The following STUM variants were observed in gnomAD, a reference collection of about 807,000 sequenced individuals.
STUM encodes the protein protein stum homolog.
In STUM, 8 loss-of-function variants were observed where a neutral mutation model predicts 15.3. The observed-to-expected ratio is 0.52, with a 90% confidence interval of 0.31 to 0.94. The LOEUF is 0.94. Ranked by LOEUF, STUM falls within the 40% of genes least tolerant of loss-of-function variation. STUM has a pLI of 0.05. For synonymous variants in STUM, 78 were observed against 88.7 expected (o/e 0.88, Z 0.68); for missense variants, 142 against 204.9 (o/e 0.69, Z 1.87).
Position 226,552,629 on chromosome 1 carries a change from A to G in STUM, c.202+3523A>G, listed in dbSNP as rs187189683. On this transcript the variant is annotated intron_variant, in intron 1 of 3. Coordinates refer to ENST00000366788, the MANE Select transcript of STUM (RefSeq NM_001003665.4). The surrounding 1 kb of genome is among the most constrained non-coding windows in gnomAD (Gnocchi z 4.7). ...ACCTCCATTGACCTTTAACCACTCCATTGGACTCAGGACATCAGATAGGGA... is the reference window on the plus strand; with the variant it reads ...ACCTCCATTGACCTTTAACCACTCCGTTGGACTCAGGACATCAGATAGGGA... 7.0e-4 allele frequency among the ~76,000 whole-genome samples: 106 copies of G among 152,288 alleles called. No individual in the cohort carries two copies. Among genetic ancestry groups the G allele is most frequent in the African/African-American group, 2.5e-3 (104 of 41,540 alleles).
At chr1:226,562,474 GAA>G (rs58206352) in intron 1 of STUM, among the ~76,000 whole-genome samples, 3 of 108,584 alleles carry the variant, frequency 2.8e-5, no homozygotes, top group Non-Finnish European at 3.9e-5. Context: ...GACTCCTTCT[GAA>G]AAAAAAAAAA....
At chr1:226,592,660 C>G (rs940568931) in intron 1 of STUM, among the ~76,000 whole-genome samples, 1 of 152,252 alleles carries the variant, frequency 6.6e-6, no homozygotes, top group Admixed American at 6.5e-5. Flanking sequence ...CTTCAACCAT[C>G]TTTCCACTTT....
chr1:226,574,486 G>A (rs1327623294), intron 1 of STUM, among the ~76,000 whole-genome samples: 1 of 152,206 alleles, frequency 6.6e-6, no homozygotes, highest in Non-Finnish European at 1.5e-5. Context: ...CGTTGGCCCG[G>A]CTTGAGTTAT....
At chr1:226,564,003 G>T (rs1373047383) in intron 1 of STUM, among the ~76,000 whole-genome samples, 1 of 152,210 alleles carries the variant, frequency 6.6e-6, no homozygotes, top group Admixed American at 6.5e-5. Context: ...GGCTCGGGTG[G>T]TCTTGCGTCC....
At chr1:226,558,216 A>G (rs781495546) in intron 1 of STUM, among the ~76,000 whole-genome samples, 5 of 152,120 alleles carry the variant, frequency 3.3e-5, no homozygotes, top group African/African-American at 4.8e-5. Flanking sequence ...ACATAATCCT[A>G]TATATAGAAA....
intron 1 of STUM, among the ~76,000 whole-genome samples, chr1:226,585,594 G>A (rs150343174): frequency 6.6e-6 from 1 of 152,280 alleles, no homozygotes; most frequent in Non-Finnish European, 1.5e-5. Context: ...TGATGCCAGA[G>A]CTCACCTTTG....
At chr1:226,553,598 AAAAAC>A (rs2102684625) in intron 1 of STUM, among the ~76,000 whole-genome samples, 1 of 152,360 alleles carries the variant, frequency 6.6e-6, no homozygotes, top group African/African-American at 2.4e-5. Flanking sequence ...AAACTTCTGG[AAAAAC>A]AAAACATTTC....
At chr1:226,595,844 C>G (rs929310226) in intron 1 of STUM, among the ~76,000 whole-genome samples, 3 of 152,338 alleles carry the variant, frequency 2.0e-5, no homozygotes, top group Non-Finnish European at 2.9e-5. Flanking sequence ...CCCCTGGAGC[C>G]TCCAGAAGGA....
intron 1 of STUM, among the ~76,000 whole-genome samples, chr1:226,576,938 A>G (rs1482650225): frequency 6.6e-6 from 1 of 152,188 alleles, no homozygotes; most frequent in African/African-American, 2.4e-5. Flanking sequence ...AGTAAATGCA[A>G]CCCTACTTTC....
intron 1 of STUM, among the ~76,000 whole-genome samples, chr1:226,561,876 T>C (rs956426732): frequency 1.3e-5 from 2 of 152,042 alleles, no homozygotes; most frequent in African/African-American, 4.8e-5. Context: ...TGAACGCAAT[T>C]AACATCATCT....
intron 1 of STUM, among the ~76,000 whole-genome samples, chr1:226,586,963 A>G (rs1447301518): frequency 3.3e-5 from 5 of 152,088 alleles, no homozygotes; most frequent in Admixed American, 3.3e-4. Context: ...ACCCTCTAGC[A>G]CTGAAGCCTA....
In STUM at chr1:226,608,416, C is replaced by T. The variant is rs1420909397; in HGVS notation, c.*6376C>T. On this transcript the variant is annotated 3_prime_UTR_variant, in exon 4 of 4. Transcript: ENST00000366788. This position sits in a 1 kb window ranked among gnomAD's most constrained non-coding sequence, Gnocchi z 4.0. ...GCCAGCCCTTTTCATTGGCTGAGTT[C>T]CCTGCTGTTGTGCGTGGTGCCATTT... 1.3e-5 allele frequency: 2 copies of T among 152,132 alleles called. No individual in the cohort carries two copies. The highest frequency in any genetic ancestry group is 2.4e-5 in the African/African-American group (1 of 41,432). The allele number at this position is 152,132 out of a possible 1,614,324, so 9.4% of individuals were successfully genotyped here. A position where few individuals can be genotyped will look rare whatever the true frequency, so the allele number is the denominator to read the frequency against.
In STUM at chr1:226,548,980, T is replaced by G. The variant is rs776944856; in HGVS notation, c.76T>G (p.Ser26Ala). 3 of 1,522,520 alleles carry G rather than the reference T, an allele frequency of 2.0e-6. No individual in the cohort carries two copies. The highest frequency in any genetic ancestry group is 2.6e-6 in the Non-Finnish European group (3 of 1,137,242). The allele number at this position is 1,522,520 out of a possible 1,614,324, so 94.3% of individuals were successfully genotyped here. Residue 26 changes from serine (S) to alanine (A), a missense_variant, in exon 1 of 4, where the codon TCC (serine) becomes GCC (alanine). Coordinates refer to ENST00000366788, the MANE Select transcript of STUM (RefSeq NM_001003665.4). ...GGCGGCGGCGGACCCCCGGGGGGCG[T>G]CCTCGTCCAGCGGGGTGGTGGTGCA... ...AVAAADPRGA[S>A]SSSGVVVQVR...
rs748281010 is a variant in STUM at position 226,605,937 on chromosome 1, T to C, written c.*3897T>C. On this transcript the variant is annotated 3_prime_UTR_variant, in exon 4 of 4. Transcript: ENST00000366788. This position sits in a 1 kb window ranked among gnomAD's most constrained non-coding sequence, Gnocchi z 4.0. ...TGCCAGCCAGGGGCTCCAGCCATGCTGGCACAGGCATCTCAGAGGTGTGAG... is the reference window on the plus strand; with the variant it reads ...TGCCAGCCAGGGGCTCCAGCCATGCCGGCACAGGCATCTCAGAGGTGTGAG... 3 of 152,266 alleles carry C rather than the reference T, an allele frequency of 2.0e-5. No homozygotes were observed. The highest frequency in any genetic ancestry group is 4.4e-5 in the Non-Finnish European group (3 of 68,076). The allele number at this position is 152,266 out of a possible 1,614,324, so 9.4% of individuals were successfully genotyped here. A position where few individuals can be genotyped will look rare whatever the true frequency, so the allele number is the denominator to read the frequency against.
intron 1 of STUM, among the ~76,000 whole-genome samples, chr1:226,553,213 G>T (rs1667396541): frequency 6.6e-6 from 1 of 152,198 alleles, no homozygotes. Flanking sequence ...TGAGAGAGTA[G>T]TTACTTTTCA....
At position 226,605,525 on chromosome 1, in the gene STUM, T is replaced by G. The variant is rs537857379; in HGVS notation, c.*3485T>G. 1 of 152,172 alleles carries G rather than the reference T, an allele frequency of 6.6e-6. No homozygotes were observed. The highest frequency in any genetic ancestry group is 1.5e-5 in the Non-Finnish European group (1 of 68,022). The allele number at this position is 152,172 out of a possible 1,614,324, so 9.4% of individuals were successfully genotyped here. Reference sequence around the variant, plus strand: ...TAATAGGGTGATTATGTCACATGTTTAGTGATACAATCCCACCTGTGTCTG... The same window carrying G: ...TAATAGGGTGATTATGTCACATGTTGAGTGATACAATCCCACCTGTGTCTG... On this transcript the variant is annotated 3_prime_UTR_variant, in exon 4 of 4. Transcript: ENST00000366788. The surrounding 1 kb of genome is among the most constrained non-coding windows in gnomAD (Gnocchi z 4.0).
chr1:226,572,154 C>T (rs1477223103), intron 1 of STUM, among the ~76,000 whole-genome samples: 1 of 152,172 alleles, frequency 6.6e-6, no homozygotes, highest in Non-Finnish European at 1.5e-5. Context: ...GAACCTGCCA[C>T]CCTTGTCATC....
intron 1 of STUM, among the ~76,000 whole-genome samples, chr1:226,557,980 C>T (rs1450159848): frequency 1.3e-5 from 2 of 152,266 alleles, no homozygotes; most frequent in African/African-American, 2.4e-5. Flanking sequence ...GTAGAAAGGT[C>T]GTACCTTAAC....
rs1381469061 is a variant in STUM, at chr1:226,549,683, C to T, written c.202+577C>T. 1.3e-5 allele frequency among the ~76,000 whole-genome samples: 2 copies of T among 152,200 alleles called. No individual in the cohort carries two copies. The highest frequency in any genetic ancestry group is 2.9e-5 in the Non-Finnish European group (2 of 68,038). On this transcript the variant is annotated intron_variant, in intron 1 of 3. Coordinates refer to ENST00000366788, the MANE Select transcript of STUM (RefSeq NM_001003665.4). The surrounding 1 kb of genome is among the most constrained non-coding windows in gnomAD (Gnocchi z 6.8). ...TCTCCTCCGCCTCATTCAGGGGTAC[C>T]TGCACTTCCGCCAGCACCCCGCAGG...
Sources: allele counts gnomAD v4.1 joint callset (sites outside exome capture counted in the v4.1 genomes callset), GRCh38; gene constraint gnomAD v4.1.1; non-coding constraint Gnocchi (gnomAD v3.1); transcripts MANE v1.5; gene names NCBI Gene and HGNC (gene_info 2026-07-23, HGNC 2026-07-21).